TECTB: variants seen among roughly 807,000 people sequenced by gnomAD.
The protein encoded by TECTB is tectorin beta.
In TECTB, 45 loss-of-function variants were observed where a neutral mutation model predicts 43.3. That is an observed-to-expected ratio of 1.04 (90% CI 0.82 to 1.33). The LOEUF is 1.33. Ranked by LOEUF, TECTB falls within the 40% of genes most tolerant of loss-of-function variation. TECTB has a pLI of 0.00. For missense variants in TECTB, 399 were observed against 404.7 expected (o/e 0.99, Z 0.12); for synonymous variants, 169 against 156.7 (o/e 1.08, Z -0.59).
chr10:112,302,148 C>A lies in TECTB; in HGVS notation c.940+15C>A, dbSNP rs375753282. The stretch of plus-strand genomic sequence containing the variant: ...TAGCTTCTCAGGTAAGGAAAAGAGA[C>A]ACTTCTGGGATTTCGTGGGGCTATG... On this transcript the variant is annotated intron_variant, in intron 10 of 10. Coordinates refer to ENST00000646139, the MANE Select transcript of TECTB (RefSeq NM_058222.3). 6.2e-7 allele frequency: 1 copy of A among 1,613,850 alleles called. No homozygotes were observed. The highest frequency in any genetic ancestry group is 1.7e-5 in the Admixed American group (1 of 59,998).
At position 112,303,638 on chromosome 10, in the gene TECTB, A is replaced by G; in HGVS notation, c.*326A>G. The stretch of plus-strand genomic sequence containing the variant: ...TTAACTTTAAAAGGTTAGCAGACCC[A>G]ACCAAGTACTGCTGAGCATTTTGAA... On this transcript the variant is annotated 3_prime_UTR_variant, in exon 11 of 11. Transcript: ENST00000646139. 3.0e-6 allele frequency: 1 copy of G among 333,254 alleles called. No individual in the cohort carries two copies. Among genetic ancestry groups the G allele is most frequent in the Non-Finnish European group, 5.6e-6 (1 of 178,278 alleles). 20.6% of individuals were successfully genotyped at this position (333,254 alleles called of 1,614,324 possible).
At position 112,293,740 on chromosome 10, in the gene TECTB, T is replaced by A; in HGVS notation, c.486T>A (p.Asn162Lys). ...CCAGTGTCAATTTCCTTCCAAAGAATGCCAAGTTCTCCATCAAGAAAGAAG... is the reference window on the plus strand; with the variant it reads ...CCAGTGTCAATTTCCTTCCAAAGAAAGCCAAGTTCTCCATCAAGAAAGAAG... ...ESQLSLNFYT[N>K]AKFSIKKEAP... The change falls in exon 6 of 11, where the codon AAT becomes AAA. Residue 162 changes from asparagine (N) to lysine (K), a missense_variant and splice_region_variant. Transcript: ENST00000646139. 1.2e-6 allele frequency: 2 copies of A among 1,613,970 alleles called. No homozygotes were observed. The highest frequency in any genetic ancestry group is 1.7e-6 in the Non-Finnish European group (2 of 1,179,874).
chr10:112,302,395 C>T (rs1848619885), intron 10 of TECTB: 1 of 434,238 alleles, frequency 2.3e-6, no homozygotes, highest in African/African-American at 2.0e-5. Flanking sequence ...TTAGTAAAGC[C>T]ATCCCCAGAT....
intron 2 of TECTB, 150 bp downstream of exon 2, chr10:112,283,960 C>A: frequency 1.3e-6 from 1 of 785,542 alleles, no homozygotes; most frequent in Non-Finnish European, 2.0e-6. Context: ...CAATACCAAT[C>A]AGACTTTTCC....
intron 7 of TECTB, 34 bp downstream of exon 7, chr10:112,294,095 T>G (rs758678023): frequency 6.3e-7 from 1 of 1,590,010 alleles, no homozygotes; most frequent in East Asian, 2.2e-5. Flanking sequence ...GGCTGAACAG[T>G]GGAACCAGGC....
At chr10:112,294,293 T>C (rs1419789571) in intron 7 of TECTB, among the ~76,000 whole-genome samples, 7 of 152,206 alleles carry the variant, frequency 4.6e-5, no homozygotes, top group Non-Finnish European at 1.0e-4. Flanking sequence ...CTTTAAGCCG[T>C]ACAACAAGAA....
rs188900596 is a variant in TECTB, at chr10:112,302,601, T to C, written c.940+468T>C. Reference sequence around the variant, plus strand: ...TGCCCCTATCTACATGGCTGTGGTATAGATATTTAATTACAGCTAAGGGCA... The same window carrying C: ...TGCCCCTATCTACATGGCTGTGGTACAGATATTTAATTACAGCTAAGGGCA... On this transcript the variant is annotated intron_variant, in intron 10 of 10. Transcript: ENST00000646139. 1,045 of 341,670 alleles carry C rather than the reference T, an allele frequency of 3.1e-3. 7 individuals are homozygous for C. The South Asian group carries it at 0.034, about 11-fold the overall frequency. 21.2% of individuals were successfully genotyped at this position (341,670 alleles called of 1,614,324 possible).
rs138407484 is a variant in TECTB, at chr10:112,284,702, T to A, written c.244T>A (p.Ser82Thr). ...CCCAGATTTATCACCTAAAAACAAGTCCTATTGTGGAACCCAGTCTGAGGT... is the reference window on the plus strand; with the variant it reads ...CCCAGATTTATCACCTAAAAACAAGACCTATTGTGGAACCCAGTCTGAGGT... ...VIPDLSPKNKSYCGTQSEYKP... is the reference protein window; with the variant it reads ...VIPDLSPKNKTYCGTQSEYKP... Residue 82 changes from serine to threonine, a missense_variant, in exon 3 of 11, where the codon TCC (serine) becomes ACC (threonine). Ser to Thr is a moderately conservative substitution (Grantham distance 58, BLOSUM62 1). Transcript: ENST00000646139. The A allele has an allele frequency of 1.1e-5, 17 of 1,605,622 alleles. No individual in the cohort carries two copies. The African/African-American group carries it at 1.9e-4, about 18-fold the overall frequency.
chr10:112,292,879 GC>G (rs540481354), intron 5 of TECTB, among the ~76,000 whole-genome samples: 287 of 151,816 alleles, frequency 1.9e-3, no homozygotes, highest in Non-Finnish European at 1.7e-3. Flanking sequence ...CCACAGTCCT[GC>G]CCCAGGGCCT....
rs553605975 is a variant in TECTB, at chr10:112,298,088, G to A, written c.691G>A (p.Val231Ile). 3.4e-5 allele frequency: 55 copies of A among 1,614,158 alleles called. No homozygotes were observed. Among genetic ancestry groups the A allele is most frequent in the East Asian group, 4.5e-5 (2 of 44,878 alleles). ...INKGCPTDETVLVHENGRDHR... is the reference protein window; with the variant it reads ...INKGCPTDETILVHENGRDHR... ...CCTCAGCTGCCCCACGGATGAAACC[G>A]TCCTCGTGCATGAGAATGGGAGAGA... Residue 231 changes from valine (V) to isoleucine (I), a missense_variant, in exon 8 of 11, where the codon GTC becomes ATC. Transcript: ENST00000646139.
chr10:112,300,306 AG>A, intron 9 of TECTB, among the ~76,000 whole-genome samples: 3 of 122,646 alleles, frequency 2.4e-5, no homozygotes, highest in Non-Finnish European at 5.2e-5. Context: ...AAAGAAAGAA[AG>A]AAAGAAAGAA....
chr10:112,289,223 G>T (rs116871377), intron 5 of TECTB, among the ~76,000 whole-genome samples: 283 of 152,248 alleles, frequency 1.9e-3, no homozygotes, highest in Admixed American at 3.4e-3. Flanking sequence ...AAACTCTGAG[G>T]GCTTCTAGCA....
intron 7 of TECTB, among the ~76,000 whole-genome samples, chr10:112,294,719 G>C (rs1341612611): frequency 1.3e-5 from 2 of 152,166 alleles, no homozygotes; most frequent in Admixed American, 6.5e-5. Flanking sequence ...CCAGATTAGA[G>C]GCCCTGGCAG....
At chr10:112,301,813 C>G (rs1307330748) in intron 9 of TECTB, among the ~76,000 whole-genome samples, 1 of 152,084 alleles carries the variant, frequency 6.6e-6, no homozygotes, top group East Asian at 1.9e-4. Flanking sequence ...CAGCTTCAAG[C>G]AATTCTCCTG....
intron 2 of TECTB, 62 bp downstream of exon 2, chr10:112,283,872 T>C (rs1228862031): frequency 4.6e-6 from 7 of 1,533,542 alleles, no homozygotes; most frequent in Non-Finnish European, 6.3e-6. Flanking sequence ...CCTTTTACAA[T>C]GCTCAGCACT....
chr10:112,302,178 T>C (rs1848617732), intron 10 of TECTB, 45 bp downstream of exon 10: 1 of 1,604,134 alleles, frequency 6.2e-7, no homozygotes, highest in Admixed American at 1.7e-5. Context: ...GCTATGCTGT[T>C]AAAAGGCAGA....
intron 5 of TECTB, 58 bp from the exon 6 acceptor site, chr10:112,293,680 T>C: frequency 6.7e-7 from 1 of 1,501,314 alleles, no homozygotes; most frequent in Non-Finnish European, 9.3e-7. Context: ...CTGCTCCTGG[T>C]AGACCTAGCT....
chr10:112,284,474 C>T (rs905719559), intron 2 of TECTB, 61 bp from the exon 3 acceptor site: 77 of 1,442,354 alleles, frequency 5.3e-5, no homozygotes, highest in Middle Eastern at 3.7e-4. Context: ...ATCCACTGTT[C>T]GTTACGTAGG....
At chr10:112,290,232 A>G (rs186073156) in intron 5 of TECTB, among the ~76,000 whole-genome samples, 2 of 152,210 alleles carry the variant, frequency 1.3e-5, no homozygotes, top group African/African-American at 4.8e-5. Flanking sequence ...CTCAGTAGCC[A>G]TCCATGTTAT....
Sources: gnomAD v4.1 joint callset for allele counts (sites outside exome capture counted in the v4.1 genomes callset) on GRCh38, gnomAD v4.1.1 for gene constraint, MANE v1.5 for transcripts, NCBI Gene and HGNC (gene_info 2026-07-23, HGNC 2026-07-21) for gene names.